PARN: variants seen among roughly 807,000 people sequenced by gnomAD.
The protein encoded by PARN is poly(A)-specific ribonuclease PARN.
A neutral mutation model predicts 102.8 loss-of-function variants in PARN; 71 were observed. The observed-to-expected ratio is 0.69, with a 90% confidence interval of 0.57 to 0.84. The LOEUF (loss-of-function observed/expected upper bound fraction) is 0.84. Ranked by LOEUF, PARN falls within the 40% of genes least tolerant of loss-of-function variation. PARN has a pLI of 0.00. For synonymous variants in PARN, 261 were observed against 252.9 expected, an observed-to-expected ratio of 1.03 and a Z score of -0.30; for missense variants, 782 against 760.9, an observed-to-expected ratio of 1.03 and a Z score of -0.33.
chr16:14,529,159 C>T (rs1045380173), intron 21 of PARN, among the ~76,000 whole-genome samples: 9 of 152,158 alleles, frequency 5.9e-5, no homozygotes, highest in African/African-American at 1.9e-4. Flanking sequence ...TCTCCAGCTC[C>T]GGACTCTAAA....
At chr16:14,456,093 C>G (rs755584214) in intron 22 of PARN, among the ~76,000 whole-genome samples, 1 of 152,108 alleles carries the variant, frequency 6.6e-6, no homozygotes, top group African/African-American at 2.4e-5. Flanking sequence ...CTTGGACTCT[C>G]TATTCTATTT....
At chr16:14,535,886 G>GGAAT (rs1966586439) in intron 21 of PARN, among the ~76,000 whole-genome samples, 1 of 152,010 alleles carries the variant, frequency 6.6e-6, no homozygotes, top group Admixed American at 6.5e-5. Flanking sequence ...TTGGAGTCTC[G>GGAAT]GAATGTATCC....
chr16:14,616,107 TAATTA>T (rs1332242555), intron 6 of PARN, among the ~76,000 whole-genome samples: 1 of 152,128 alleles, frequency 6.6e-6, no homozygotes, highest in Non-Finnish European at 1.5e-5. Context: ...TTTATGTAAA[TAATTA>T]AATTAAAATA....
In PARN at chr16:14,627,264, C is replaced by T. The variant is rs1306561742; in HGVS notation, c.245+5G>A. 1.3e-6 allele frequency: 2 copies of T among 1,591,728 alleles called. No individual in the cohort carries two copies. The highest frequency in any genetic ancestry group is 1.7e-6 in the Non-Finnish European group (2 of 1,167,268). On this transcript the variant is annotated splice_donor_5th_base_variant and intron_variant, in intron 4 of 23. Transcript: ENST00000437198. ...GAATTCCCAACGTTTGTTAACACAA[C>T]CTACTTTGAATCTGTGTAGTCATAC... is the stretch of plus-strand genomic sequence containing the variant.
chr16:14,446,551 G>A (rs551618215), intron 23 of PARN, among the ~76,000 whole-genome samples: 3 of 152,274 alleles, frequency 2.0e-5, no homozygotes, highest in Admixed American at 6.5e-5. Context: ...TAACATGTAG[G>A]AGGGGCCTCT....
chr16:14,568,387 G>C (rs945694547), intron 18 of PARN, among the ~76,000 whole-genome samples: 1 of 148,666 alleles, frequency 6.7e-6, no homozygotes, highest in Admixed American at 6.7e-5. Context: ...TAATTTTTTT[G>C]TATTTTTAGT....
chr16:14,537,482 C>A (rs1276969003), intron 21 of PARN, among the ~76,000 whole-genome samples: 8 of 152,146 alleles, frequency 5.3e-5, no homozygotes, highest in African/African-American at 1.9e-4. Context: ...ACGCTGCACC[C>A]CCATGTTTAC....
At chr16:14,565,651 C>T (rs577628432) in intron 18 of PARN, among the ~76,000 whole-genome samples, 27 of 152,284 alleles carry the variant, frequency 1.8e-4, no homozygotes, top group Non-Finnish European at 2.6e-4. Flanking sequence ...TTGAGAGAAA[C>T]GGAAATCTTC....
intron 21 of PARN, among the ~76,000 whole-genome samples, chr16:14,502,506 G>A (rs1028033228): frequency 1.3e-5 from 2 of 152,216 alleles, no homozygotes; most frequent in African/African-American, 4.8e-5. Context: ...TCACAAGGAA[G>A]GGGCAGAATC....
At chr16:14,438,407 A>G (rs1043107895) in intron 23 of PARN, among the ~76,000 whole-genome samples, 1 of 143,422 alleles carries the variant, frequency 7.0e-6, no homozygotes, top group Non-Finnish European at 1.5e-5. Flanking sequence ...CAATACTTGT[A>G]ATCTGCACCT....
chr16:14,451,787 T>C (rs982492897), intron 22 of PARN, among the ~76,000 whole-genome samples: 7 of 135,752 alleles, frequency 5.2e-5, no homozygotes, highest in African/African-American at 1.1e-4. Flanking sequence ...GGCAGGAGGA[T>C]TGCTTGAGCC....
chr16:14,490,056 G>T (rs1022204924), intron 21 of PARN, among the ~76,000 whole-genome samples: 1 of 152,170 alleles, frequency 6.6e-6, no homozygotes, highest in Non-Finnish European at 1.5e-5. Context: ...TACTTGGAGG[G>T]GTGAGGCTGG....
intron 22 of PARN, among the ~76,000 whole-genome samples, chr16:14,456,868 T>C (rs914250420): frequency 6.6e-6 from 1 of 152,202 alleles, no homozygotes; most frequent in Non-Finnish European, 1.5e-5. Flanking sequence ...GTCACATTCA[T>C]TCCTCTGCCC....
chr16:14,616,876 T>C (rs943585476), intron 6 of PARN, among the ~76,000 whole-genome samples: 2 of 152,058 alleles, frequency 1.3e-5, no homozygotes, highest in African/African-American at 4.8e-5. Flanking sequence ...ACAGGACATT[T>C]CTAAACTACA....
At chr16:14,529,925 C>T (rs1966228588) in intron 21 of PARN, among the ~76,000 whole-genome samples, 1 of 152,074 alleles carries the variant, frequency 6.6e-6, no homozygotes, top group Non-Finnish European at 1.5e-5. Context: ...CCACGAGACC[C>T]CATCATGACA....
chr16:14,479,668 A>G (rs1963270851), intron 22 of PARN, among the ~76,000 whole-genome samples: 1 of 152,204 alleles, frequency 6.6e-6, no homozygotes, highest in Non-Finnish European at 1.5e-5. Context: ...AAGGAAAAAC[A>G]TAACTGACTG....
intron 7 of PARN, among the ~76,000 whole-genome samples, chr16:14,610,197 G>A (rs1596852874): frequency 6.6e-6 from 1 of 152,202 alleles, no homozygotes; most frequent in African/African-American, 2.4e-5. Flanking sequence ...TGCCGGCTAG[G>A]CATGCTGGCT....
intron 22 of PARN, among the ~76,000 whole-genome samples, chr16:14,448,588 AG>A (rs1233235575): frequency 6.6e-6 from 1 of 152,240 alleles, no homozygotes; most frequent in African/African-American, 2.4e-5. Context: ...ATGCCCAGCC[AG>A]GAAGTGAATA....
At position 14,441,148 on chromosome 16, in the gene PARN, T is replaced by C. The variant is rs140524299; in HGVS notation, c.1865-4376A>G. On this transcript the variant is annotated intron_variant, in intron 23 of 23. Transcript: ENST00000437198. ...GTTTCTAAAAGGGGAAAAGGCAGGATACAAGCTGCATACAGGGTATGAGGT... is the reference window on the plus strand; with the variant it reads ...GTTTCTAAAAGGGGAAAAGGCAGGACACAAGCTGCATACAGGGTATGAGGT... 7.2e-5 allele frequency among the ~76,000 whole-genome samples: 11 copies of C among 152,294 alleles called. No homozygotes were observed. In the East Asian group the frequency reaches 2.1e-3, roughly 29 times the overall value.
Sources: gnomAD v4.1 joint callset for allele counts (sites outside exome capture counted in the v4.1 genomes callset) on GRCh38, gnomAD v4.1.1 for gene constraint, MANE v1.5 for transcripts, NCBI Gene and HGNC (gene_info 2026-07-23, HGNC 2026-07-21) for gene names.